ZNF26: variants seen among roughly 807,000 people sequenced by gnomAD.
ZNF26 encodes the protein zinc finger protein 26.
ZNF26 carries 32 observed loss-of-function variants against 54.9 expected under a neutral mutation model. That is an observed-to-expected ratio of 0.58 (90% confidence interval 0.44 to 0.78). ZNF26 has a LOEUF of 0.78. Ranked by LOEUF, ZNF26 falls within the 30% of genes least tolerant of loss-of-function variation. The pLI is 0.00. For synonymous variants in ZNF26, 221 were observed against 209.2 expected (o/e 1.06, Z -0.49); for missense variants, 524 against 634.0 (o/e 0.83, Z 1.86).
In ZNF26 at chr12:133,001,885, T is replaced by C. The variant is rs376160228; in HGVS notation, c.34-5157T>C. Among the ~76,000 whole-genome samples, 203 of 152,310 alleles carry C rather than the reference T, an allele frequency of 1.3e-3. 3 individuals are homozygous for C. The South Asian group carries it at 0.033, about 25-fold the overall frequency. On this transcript the variant is annotated intron_variant, in intron 1 of 3. Transcript: ENST00000328654. The surrounding 1 kb of genome is among the most constrained non-coding windows in gnomAD (Gnocchi z 4.7). The stretch of plus-strand genomic sequence containing the variant: ...TTGTTTACTTAAATTCTTAAGTACA[T>C]GTCAGTTCCTTCTGAAAATTACCCA...
At chr12:133,006,915 GT>G in intron 1 of ZNF26, 126 bp from the exon 2 acceptor site, 1 of 1,232,016 alleles carries the variant, frequency 8.1e-7, no homozygotes, top group Non-Finnish European at 1.2e-6. Flanking sequence ...CTCTCACAAA[GT>G]AAATGCTGAA....
intron 1 of ZNF26, chr12:133,006,448 C>T (rs1953329528): frequency 4.1e-6 from 1 of 243,012 alleles, no homozygotes; most frequent in African/African-American, 2.3e-5. Context: ...ACTCAGAACA[C>T]CTTATTTTGT....
chr12:132,986,879 T>G lies in ZNF26; in HGVS notation c.33+6T>G. 1 of 1,605,336 alleles carries G rather than the reference T, an allele frequency of 6.2e-7. No individual in the cohort carries two copies. Among genetic ancestry groups the G allele is most frequent in the Non-Finnish European group, 8.5e-7 (1 of 1,175,932 alleles). On this transcript the variant is annotated splice_donor_region_variant and intron_variant, in intron 1 of 3. Transcript: ENST00000328654. ...TCCGGACAGCTTCGTGCTGGGTAAG[T>G]AGAGACTTTCCGTGTTTAAAATTCG...
In ZNF26 at chr12:133,011,899, A is replaced by C. The variant is rs1240316706; in HGVS notation, c.*418A>C. Reference sequence around the variant, plus strand: ...GTGGAGTATAAAGTTGTTTTTTTAAAAATATGTAAATAATGTTCAGGAAAA... The same window carrying C: ...GTGGAGTATAAAGTTGTTTTTTTAACAATATGTAAATAATGTTCAGGAAAA... On this transcript the variant is annotated 3_prime_UTR_variant, in exon 4 of 4. Coordinates refer to ENST00000328654, the MANE Select transcript of ZNF26 (RefSeq NM_019591.4). 6.5e-6 allele frequency: 1 copy of C among 153,484 alleles called. No homozygotes were observed. The highest frequency in any genetic ancestry group is 2.4e-5 in the African/African-American group (1 of 41,450). The allele number at this position is 153,484 out of a possible 1,614,324, so 9.5% of individuals were successfully genotyped here. A position where few individuals can be genotyped will look rare whatever the true frequency, so the allele number is the denominator to read the frequency against.
chr12:133,008,324 A>G (rs1449473343), intron 3 of ZNF26, among the ~76,000 whole-genome samples: 3 of 152,154 alleles, frequency 2.0e-5, no homozygotes, highest in Non-Finnish European at 4.4e-5. Context: ...TTCCATCTCT[A>G]AGGAGCAGTG....
Position 133,011,303 on chromosome 12 carries a change from C to G in ZNF26, c.1424C>G (p.Thr475Ser). ...GCATCACTTCAGATACACCAGAAAA[C>G]TCATTCGGGAGAGAAACCTTTTAAA... Reference protein sequence around the residue: ...RKASLQIHQKTHSGEKPFKCS... With the variant: ...RKASLQIHQKSHSGEKPFKCS... The change falls in exon 4 of 4, where the codon ACT becomes AGT. Residue 475 changes from threonine (T) to serine (S), a missense_variant. Physicochemically the swap from Thr to Ser is moderately conservative, Grantham distance 58. Coordinates refer to ENST00000328654, the MANE Select transcript of ZNF26 (RefSeq NM_019591.4). The G allele has an allele frequency of 6.2e-7, 1 of 1,613,950 alleles. No homozygotes were observed. The highest frequency in any genetic ancestry group is 8.5e-7 in the Non-Finnish European group (1 of 1,179,974).
intron 1 of ZNF26, 141 bp downstream of exon 1, chr12:132,987,014 A>C: frequency 1.1e-4 from 102 of 916,106 alleles, no homozygotes; most frequent in East Asian, 2.3e-4. Context: ...TCCCCACCAA[A>C]CCAAAGCGCC....
Position 133,021,901 on chromosome 12 carries a change from T to C in ZNF26, c.*10420T>C, listed in dbSNP as rs1210502138. The stretch of plus-strand genomic sequence containing the variant: ...ATATTACTTTTTAAACTTTCATGTT[T>C]TGTGGAGTCATTTCTAAATCAAATC... On this transcript the variant is annotated 3_prime_UTR_variant, in exon 4 of 4. Transcript: ENST00000328654. The C allele has an allele frequency of 6.6e-6, 1 of 152,212 alleles. No individual in the cohort carries two copies. Among genetic ancestry groups the C allele is most frequent in the Non-Finnish European group, 1.5e-5 (1 of 68,038 alleles). 9.4% of individuals were successfully genotyped at this position (152,212 alleles called of 1,614,324 possible).
intron 1 of ZNF26, chr12:133,004,679 CT>C (rs1194611154): frequency 6.6e-6 from 1 of 152,112 alleles, no homozygotes; most frequent in Non-Finnish European, 1.5e-5. Context: ...GAGATGAGGT[CT>C]AACTATGTGA....
chr12:133,002,662 C>T (rs951943242), intron 1 of ZNF26, among the ~76,000 whole-genome samples: 5 of 151,796 alleles, frequency 3.3e-5, no homozygotes, highest in Non-Finnish European at 4.4e-5. Flanking sequence ...TCTTCTGTGT[C>T]GCCCAGGCTG....
Position 133,010,336 on chromosome 12 carries a change from T to C in ZNF26, c.457T>C (p.Phe153Leu). 7 of 1,613,932 alleles carry C rather than the reference T, an allele frequency of 4.3e-6. No homozygotes were observed. Among genetic ancestry groups the C allele is most frequent in the Non-Finnish European group, 5.9e-6 (7 of 1,180,002 alleles). The change falls in exon 4 of 4, where the codon TTT (phenylalanine) becomes CTT (leucine). Residue 153 changes from phenylalanine to leucine, a missense_variant. Phe to Leu is a conservative substitution (Grantham distance 22). Transcript: ENST00000328654. ...TTATTTAAGAAAGAATCCTGATAAG[T>C]TTCATGGTTATGAAGAACCATATTT... Reference protein sequence around the residue: ...RSYLRKNPDKFHGYEEPYFLK... With the variant: ...RSYLRKNPDKLHGYEEPYFLK...
At chr12:133,003,703 CT>C (rs1379535117) in intron 1 of ZNF26, among the ~76,000 whole-genome samples, 1 of 152,188 alleles carries the variant, frequency 6.6e-6, no homozygotes, top group Non-Finnish European at 1.5e-5. Context: ...CCATCTCAAC[CT>C]CCCTAATGGG....
chr12:132,997,380 G>A (rs1388037637), intron 1 of ZNF26, among the ~76,000 whole-genome samples: 2 of 152,020 alleles, frequency 1.3e-5, no homozygotes, highest in African/African-American at 4.8e-5. Context: ...AAACCCACAT[G>A]GTAGATTAGC....
Position 133,018,569 on chromosome 12 carries a change from G to A in ZNF26, c.*7088G>A, listed in dbSNP as rs1162080221. The A allele has an allele frequency of 1.3e-5, 2 of 152,068 alleles. No homozygotes were observed. Among genetic ancestry groups the A allele is most frequent in the Non-Finnish European group, 2.9e-5 (2 of 68,022 alleles). 9.4% of individuals were successfully genotyped at this position (152,068 alleles called of 1,614,324 possible). On this transcript the variant is annotated 3_prime_UTR_variant, in exon 4 of 4. Coordinates refer to ENST00000328654, the MANE Select transcript of ZNF26 (RefSeq NM_019591.4). The stretch of plus-strand genomic sequence containing the variant: ...ATATGCACTTAAGACAAAAGTGAAG[G>A]AGAAATAGATGAACAAAAGATACAT...
chr12:133,007,188 G>A lies in ZNF26; in HGVS notation c.160+20G>A. 6.2e-7 allele frequency: 1 copy of A among 1,610,542 alleles called. No individual in the cohort carries two copies. Among genetic ancestry groups the A allele is most frequent in the Middle Eastern group, 1.7e-4 (1 of 6,042 alleles). ...CAGTGGGTAAGTACTGCGTCTCAAT[G>A]TTACTCAGATAGTGAATATTAAATT... On this transcript the variant is annotated intron_variant, in intron 2 of 3. Coordinates refer to ENST00000328654, the MANE Select transcript of ZNF26 (RefSeq NM_019591.4).
In ZNF26 at chr12:133,001,592, T is replaced by C; in HGVS notation, c.34-5450T>C. The C allele has an allele frequency of 8.6e-7, 1 of 1,166,706 alleles. No homozygotes were observed. Among genetic ancestry groups the C allele is most frequent in the Non-Finnish European group, 1.1e-6 (1 of 877,498 alleles). The allele number at this position is 1,166,706 out of a possible 1,614,324, so 72.3% of individuals were successfully genotyped here. On this transcript the variant is annotated intron_variant, in intron 1 of 3. Transcript: ENST00000328654. This position sits in a 1 kb window ranked among gnomAD's most constrained non-coding sequence, Gnocchi z 4.7. ...CACTGCATGCAGACTCACCCAGAAG[T>C]CCACTCACTGCCTCTTCCCCTGGGG... is the stretch of plus-strand genomic sequence containing the variant.
At position 133,026,134 on chromosome 12, in the gene ZNF26, C is replaced by T. The variant is rs1199680615; in HGVS notation, c.*14653C>T. 1.3e-5 allele frequency: 2 copies of T among 151,562 alleles called. No homozygotes were observed. The highest frequency in any genetic ancestry group is 4.9e-5 in the African/African-American group (2 of 41,226). 9.4% of individuals were successfully genotyped at this position (151,562 alleles called of 1,614,324 possible). On this transcript the variant is annotated 3_prime_UTR_variant, in exon 4 of 4. Coordinates refer to ENST00000328654, the MANE Select transcript of ZNF26 (RefSeq NM_019591.4). ...TTTTTTTTTTTTTGAGATGCACTCT[C>T]ACTCTTTCCCAGGCTGGAGTGCAGT...
intron 1 of ZNF26, chr12:133,005,210 T>G (rs1953297570): frequency 6.6e-6 from 1 of 152,206 alleles, no homozygotes; most frequent in Non-Finnish European, 1.5e-5. Flanking sequence ...TATTTATTTA[T>G]TTATTTTTTT....
rs945707211 is a variant in ZNF26 at position 132,986,825 on chromosome 12, G to C, written c.-16G>C. Reference sequence around the variant, plus strand: ...GGTCCTGCCCCCGCAGGCAGCGCGCGAACGTGGGCGTGGGGATGGCCACCA... The same window carrying C: ...GGTCCTGCCCCCGCAGGCAGCGCGCCAACGTGGGCGTGGGGATGGCCACCA... On this transcript the variant is annotated 5_prime_UTR_variant, in exon 1 of 4. Coordinates refer to ENST00000328654, the MANE Select transcript of ZNF26 (RefSeq NM_019591.4). 1 of 1,602,208 alleles carries C rather than the reference G, an allele frequency of 6.2e-7. No individual in the cohort carries two copies. The highest frequency in any genetic ancestry group is 1.1e-5 in the South Asian group (1 of 88,958).
Sources: gnomAD v4.1 joint callset for allele counts (sites outside exome capture counted in the v4.1 genomes callset) on GRCh38, gnomAD v4.1.1 for gene constraint, Gnocchi (gnomAD v3.1) non-coding constraint, MANE v1.5 for transcripts, NCBI Gene and HGNC (gene_info 2026-07-23, HGNC 2026-07-21) for gene names.